ROBO2: variants seen among roughly 807,000 people sequenced by gnomAD.
ROBO2 encodes the protein roundabout homolog 2.
In ROBO2, 53 loss-of-function variants were observed where a neutral mutation model predicts 160.8. The observed-to-expected ratio is 0.33, with a 90% CI of 0.26 to 0.41. ROBO2 has a LOEUF of 0.41. ROBO2 is among the 10% of genes least tolerant of loss of function. The probability of loss-of-function intolerance (pLI) is 1.00; values close to 1 mark genes in which losing one functional copy is unlikely to be tolerated. For missense variants in ROBO2, 1,577 were observed against 1,722.4 expected, an observed-to-expected ratio of 0.92 and a Z score of 1.49; for synonymous variants, 664 against 611.7, an observed-to-expected ratio of 1.09 and a Z score of -1.26.
At chr3:76,725,109 T>A (rs2093529488) in intron 2 of ROBO2, among the ~76,000 whole-genome samples, 1 of 152,192 alleles carries the variant, frequency 6.6e-6, no homozygotes, top group Admixed American at 6.5e-5. Context: ...ATAAGTTTGT[T>A]GTTTTAAACC....
intron 2 of ROBO2, among the ~76,000 whole-genome samples, chr3:76,092,357 C>G (rs1307147306): frequency 6.6e-6 from 1 of 152,118 alleles, no homozygotes; most frequent in Non-Finnish European, 1.5e-5. Context: ...AATAAAAAAT[C>G]CAATGCTTCC....
intron 2 of ROBO2, among the ~76,000 whole-genome samples, chr3:76,762,578 C>T (rs2061368870): frequency 6.6e-6 from 1 of 151,240 alleles, no homozygotes; most frequent in Non-Finnish European, 1.5e-5. Context: ...AAATTGTATC[C>T]TAAGTTTGGA....
intron 2 of ROBO2, among the ~76,000 whole-genome samples, chr3:77,336,107 C>T (rs1297760298): frequency 6.6e-6 from 1 of 152,130 alleles, no homozygotes; most frequent in Non-Finnish European, 1.5e-5. Context: ...ATAGGATAAT[C>T]AATGGGCAGA....
intron 2 of ROBO2, among the ~76,000 whole-genome samples, chr3:76,146,772 C>A (rs1366318261): frequency 3.2e-5 from 3 of 94,456 alleles, no homozygotes; most frequent in Non-Finnish European, 6.4e-5. Context: ...TTTTAGAATT[C>A]TATCATTACC....
chr3:77,097,229 G>T (rs2071202192), intron 1 of ROBO2, among the ~76,000 whole-genome samples: 1 of 152,118 alleles, frequency 6.6e-6, no homozygotes, highest in Non-Finnish European at 1.5e-5. Flanking sequence ...TTTGCTGATG[G>T]TATCTCTTGG....
chr3:76,666,691 G>A (rs551638583), intron 2 of ROBO2, among the ~76,000 whole-genome samples: 1 of 151,532 alleles, frequency 6.6e-6, no homozygotes, highest in East Asian at 1.9e-4. Context: ...AAACCTTCCT[G>A]GCTCTTAGGC....
At chr3:76,696,204 C>T (rs950639882) in intron 2 of ROBO2, among the ~76,000 whole-genome samples, 1 of 152,092 alleles carries the variant, frequency 6.6e-6, no homozygotes, top group Non-Finnish European at 1.5e-5. Flanking sequence ...GCAGGAACGT[C>T]GTAGCGAGTC....
At chr3:77,312,458 C>T (rs1001934187) in intron 2 of ROBO2, among the ~76,000 whole-genome samples, 4 of 152,146 alleles carry the variant, frequency 2.6e-5, no homozygotes, top group Non-Finnish European at 4.4e-5. Flanking sequence ...TGTCTCTAAC[C>T]AAGGACACAA....
chr3:77,312,092 G>T (rs976890366), intron 2 of ROBO2, among the ~76,000 whole-genome samples: 2 of 149,220 alleles, frequency 1.3e-5, no homozygotes, highest in Non-Finnish European at 1.5e-5. Flanking sequence ...TCTCAAAAAA[G>T]AAAAAAAAAT....
At chr3:76,421,342 C>G (rs940685787) in intron 2 of ROBO2, among the ~76,000 whole-genome samples, 1 of 152,164 alleles carries the variant, frequency 6.6e-6, no homozygotes, top group African/African-American at 2.4e-5. Context: ...AAAGGTTCAA[C>G]ATGCCTATTG....
intron 2 of ROBO2, among the ~76,000 whole-genome samples, chr3:76,250,013 G>A (rs901968246): frequency 1.3e-5 from 2 of 152,052 alleles, no homozygotes; most frequent in Non-Finnish European, 2.9e-5. Flanking sequence ...AATTTCCCAT[G>A]TTTATTTAAC....
intron 2 of ROBO2, among the ~76,000 whole-genome samples, chr3:76,388,320 GGAGTGCAGTGGTGTGATCTCAGCTC>G: frequency 6.6e-6 from 1 of 150,846 alleles, no homozygotes. Context: ...CGCCCAGGCT[GGAGTGCAGTGGTGTGATCTCAGCTC>G]ACTGCAAGCT....
intron 2 of ROBO2, among the ~76,000 whole-genome samples, chr3:76,545,133 A>G (rs2083025431): frequency 6.6e-6 from 1 of 151,938 alleles, no homozygotes; most frequent in Non-Finnish European, 1.5e-5. Flanking sequence ...TATTGCCATC[A>G]AAGGAGTATA....
At chr3:77,626,788 A>G (rs2095037142) in intron 23 of ROBO2, among the ~76,000 whole-genome samples, 1 of 152,212 alleles carries the variant, frequency 6.6e-6, no homozygotes. Flanking sequence ...TGAAACAAGT[A>G]AAAAGTTTCC....
chr3:77,331,873 T>G (rs1474921311), intron 2 of ROBO2, among the ~76,000 whole-genome samples: 1 of 151,972 alleles, frequency 6.6e-6, no homozygotes, highest in African/African-American at 2.4e-5. Context: ...GCCCAGCTAA[T>G]TTTTGTATTT....
At chr3:77,564,899 C>T in intron 11 of ROBO2, 55 bp from the exon 13 acceptor site, 2 of 1,546,004 alleles carry the variant, frequency 1.3e-6, no homozygotes, top group Non-Finnish European at 1.8e-6. Context: ...TACCCAACTC[C>T]ATTTCCAATC....
chr3:76,258,121 C>T (rs1036694853), intron 2 of ROBO2, among the ~76,000 whole-genome samples: 1 of 151,848 alleles, frequency 6.6e-6, no homozygotes, highest in Non-Finnish European at 1.5e-5. Context: ...GTTGCCTCTT[C>T]TTTTGTATTA....
At chr3:77,434,217 A>T (rs2079068501) in intron 2 of ROBO2, among the ~76,000 whole-genome samples, 1 of 151,826 alleles carries the variant, frequency 6.6e-6, no homozygotes. Flanking sequence ...TTGCTTCCTT[A>T]TCCTTAGCCT....
At chr3:77,210,854 T>C (rs970218066) in intron 2 of ROBO2, among the ~76,000 whole-genome samples, 1 of 152,030 alleles carries the variant, frequency 6.6e-6, no homozygotes, top group Non-Finnish European at 1.5e-5. Flanking sequence ...TTGTCTGATC[T>C]TGTGATAGTT....
Sources: allele counts gnomAD v4.1 joint callset (sites outside exome capture counted in the v4.1 genomes callset), GRCh38; gene constraint gnomAD v4.1.1; transcripts MANE v1.5; gene names NCBI Gene and HGNC (gene_info 2026-07-23, HGNC 2026-07-21).